SLC12A5: variants seen among roughly 807,000 people sequenced by gnomAD.
SLC12A5 encodes K-Cl cotransporter 2.
In SLC12A5, 18 loss-of-function variants were observed where a neutral mutation model predicts 124.0. The observed-to-expected ratio is 0.15, with a 90% CI of 0.10 to 0.22. SLC12A5 has a LOEUF of 0.22. Among genes scored for constraint, SLC12A5 ranks in the 10% least tolerant of loss-of-function variants. SLC12A5 has a pLI of 1.00. For synonymous variants in SLC12A5, 589 were observed against 568.0 expected (o/e 1.04, Z -0.53); for missense variants, 867 against 1,478.7 (o/e 0.59, Z 6.78).
chr20:46,044,039 T>C, intron 11 of SLC12A5, 106 bp downstream of exon 11: 1 of 1,117,644 alleles, frequency 8.9e-7, no homozygotes, highest in Admixed American at 2.6e-5. Context: ...GTGAGGGGCC[T>C]GTGGGAGGGA....
intron 5 of SLC12A5, 107 bp downstream of exon 5, chr20:46,036,902 TA>T: frequency 2.2e-6 from 3 of 1,387,004 alleles, no homozygotes; most frequent in Non-Finnish European, 3.0e-6. Flanking sequence ...TATTCTAGAC[TA>T]GGGGGCTGGG....
chr20:46,056,676 C>A lies in SLC12A5; in HGVS notation c.3110+112C>A. ...CTGGTCTGTCAGCCTGCAGACCCAG[C>A]TCAGACATTGTCTTGGTTTCTCCAT... On this transcript the variant is annotated intron_variant, in intron 23 of 25. Transcript: ENST00000243964. The surrounding 1 kb of genome is among the most constrained non-coding windows in gnomAD (Gnocchi z 4.3). The A allele has an allele frequency of 4.0e-6, 5 of 1,241,538 alleles. No individual in the cohort carries two copies. The South Asian group carries it at 7.2e-5, about 18-fold the overall frequency. 76.9% of individuals were successfully genotyped at this position (1,241,538 alleles called of 1,614,324 possible).
At chr20:46,040,902 G>T (rs1159084336) in intron 7 of SLC12A5, 2 of 473,986 alleles carry the variant, frequency 4.2e-6, no homozygotes, top group Admixed American at 7.4e-5. Flanking sequence ...AATGAATGCT[G>T]TCTGTGGTAG....
chr20:46,040,550 A>G lies in SLC12A5; in HGVS notation c.790A>G (p.Ile264Val). ...KFALVFLGCV[I>V]LSILAIYAGV... ...TGCCCTTGTCTTCCTGGGTTGTGTC[A>G]TCCTCTCCATCCTGGCCATCTATGC... Residue 264 changes from isoleucine to valine, a missense_variant, in exon 7 of 26, where the codon ATC becomes GTC. Coordinates refer to ENST00000243964, the MANE Select transcript of SLC12A5 (RefSeq NM_020708.5). The G allele has an allele frequency of 8.1e-6, 13 of 1,614,082 alleles. No homozygotes were observed. The highest frequency in any genetic ancestry group is 1.1e-5 in the Non-Finnish European group (13 of 1,180,032).
chr20:46,030,564 C>T (rs1279042371), intron 1 of SLC12A5, among the ~76,000 whole-genome samples: 3 of 151,810 alleles, frequency 2.0e-5, no homozygotes, highest in Non-Finnish European at 4.4e-5. Context: ...CGCACTAGCG[C>T]GCCTCCCGCG....
rs1390828059 is a variant in SLC12A5, at chr20:46,058,884, C to T, written c.*1279C>T. 3.5e-5 allele frequency: 14 copies of T among 397,314 alleles called. No homozygotes were observed. Among genetic ancestry groups the T allele is most frequent in the Non-Finnish European group, 5.3e-5 (12 of 225,894 alleles). 24.6% of individuals were successfully genotyped at this position (397,314 alleles called of 1,614,324 possible). On this transcript the variant is annotated 3_prime_UTR_variant, in exon 26 of 26. Transcript: ENST00000243964. The surrounding 1 kb of genome is among the most constrained non-coding windows in gnomAD (Gnocchi z 5.8). The stretch of plus-strand genomic sequence containing the variant: ...CCTTCTCCGTGCTCTGGGGCCGGGC[C>T]TCGCTGCTTAGCAGCGGCCTCTAGC...
chr20:46,046,055 T>TGCA, intron 13 of SLC12A5, 59 bp downstream of exon 13: 1 of 1,515,956 alleles, frequency 6.6e-7, no homozygotes, highest in South Asian at 1.1e-5. Context: ...ATCTGAATCC[T>TGCA]GCAGCCGTTA....
At position 46,053,813 on chromosome 20, in the gene SLC12A5, A is replaced by C; in HGVS notation, c.2679+104A>C. The C allele has an allele frequency of 7.8e-7, 1 of 1,281,606 alleles. No individual in the cohort carries two copies. Among genetic ancestry groups the C allele is most frequent in the Non-Finnish European group, 1.1e-6 (1 of 949,748 alleles). The allele number at this position is 1,281,606 out of a possible 1,614,324, so 79.4% of individuals were successfully genotyped here. On this transcript the variant is annotated intron_variant, in intron 20 of 25. Transcript: ENST00000243964. This position sits in a 1 kb window ranked among gnomAD's most constrained non-coding sequence, Gnocchi z 4.7. ...AACACCCATCAGCTTATGATGCTGG[A>C]TCCTTTCCCCCTCATCCATCTCTTA...
At position 46,045,019 on chromosome 20, in the gene SLC12A5, C is replaced by T; in HGVS notation, c.1448C>T (p.Ser483Phe). 3 of 1,614,204 alleles carry T rather than the reference C, an allele frequency of 1.9e-6. No homozygotes were observed. Among genetic ancestry groups the T allele is most frequent in the Non-Finnish European group, 2.5e-6 (3 of 1,180,040 alleles). The change falls in exon 12 of 26, where the codon TCT (serine) becomes TTT (phenylalanine). Residue 483 changes from serine (S) to phenylalanine (F), a missense_variant. Transcript: ENST00000243964. This position sits in a 1 kb window ranked among gnomAD's most constrained non-coding sequence, Gnocchi z 4.9. ...NLVVGTLAWP[S>F]PWVIVIGSFF... ...GTGGTGGGCACTCTGGCCTGGCCAT[C>T]TCCATGGGTAATTGTCATCGGATCC...
intron 6 of SLC12A5, among the ~76,000 whole-genome samples, chr20:46,039,063 G>T (rs1045770748): frequency 6.6e-6 from 1 of 152,196 alleles, no homozygotes; most frequent in Non-Finnish European, 1.5e-5. Flanking sequence ...GTCACCCAAA[G>T]AAAATAACCA....
upstream of SLC12A5, among the ~76,000 whole-genome samples, chr20:46,026,537 G>T (rs2084400484): frequency 6.6e-6 from 1 of 152,266 alleles, no homozygotes; most frequent in Non-Finnish European, 1.5e-5. Flanking sequence ...GAGGTGAGGG[G>T]TGTCAGTGGA....
Position 46,059,796 on chromosome 20 carries a change from T to C in SLC12A5, c.*2191T>C, listed in dbSNP as rs768889712. 4.5e-5 allele frequency: 18 copies of C among 396,004 alleles called. No individual in the cohort carries two copies. The highest frequency in any genetic ancestry group is 7.1e-5 in the Non-Finnish European group (16 of 224,780). 24.5% of individuals were successfully genotyped at this position (396,004 alleles called of 1,614,324 possible). On this transcript the variant is annotated 3_prime_UTR_variant, in exon 26 of 26. Transcript: ENST00000243964. ...TTTTATTCTGAGTGCAATATTTCAA[T>C]AGCCTTGTAGTGATAACTAGTGTTG...
At position 46,035,010 on chromosome 20, in the gene SLC12A5, G is replaced by A; in HGVS notation, c.115G>A (p.Glu39Lys). Reference protein sequence around the residue: ...INSTDTEKGKEYDGKNMALFE... With the variant: ...INSTDTEKGKKYDGKNMALFE... ...CAGCACCGACACAGAGAAGGGAAAG[G>A]AGTATGATGGCAAGAACATGGCCTT... Residue 39 changes from glutamate to lysine, a missense_variant, in exon 2 of 26, where the codon GAG (glutamate) becomes AAG (lysine). Coordinates refer to ENST00000243964, the MANE Select transcript of SLC12A5 (RefSeq NM_020708.5). The A allele has an allele frequency of 6.2e-7, 1 of 1,613,978 alleles. No individual in the cohort carries two copies. Among genetic ancestry groups the A allele is most frequent in the Non-Finnish European group, 8.5e-7 (1 of 1,179,958 alleles).
rs116878061 is a variant in SLC12A5, at chr20:46,057,452, G to A, written c.3260-62G>A. 5.6e-6 allele frequency: 9 copies of A among 1,605,788 alleles called. No individual in the cohort carries two copies. Among genetic ancestry groups the A allele is most frequent in the Non-Finnish European group, 6.8e-6 (8 of 1,172,554 alleles). On this transcript the variant is annotated intron_variant, in intron 25 of 25. Transcript: ENST00000243964. This position sits in a 1 kb window ranked among gnomAD's most constrained non-coding sequence, Gnocchi z 7.1. ...GCGCGAGAGGTCCCCTGGCAGCCGA[G>A]CGCGACCCCAATTTCGTCGGGAGGG...
intron 6 of SLC12A5, 24 bp downstream of exon 6, chr20:46,037,409 G>A (rs1483236959): frequency 6.3e-7 from 1 of 1,594,356 alleles, no homozygotes; most frequent in Non-Finnish European, 8.6e-7. Flanking sequence ...AGGAGGAGGT[G>A]TGGAACCCCA....
chr20:46,042,860 A>G (rs919427966), intron 8 of SLC12A5, among the ~76,000 whole-genome samples: 1 of 151,976 alleles, frequency 6.6e-6, no homozygotes, highest in African/African-American at 2.4e-5. Context: ...GGTGAGATCA[A>G]TTTGGGACAC....
intron 6 of SLC12A5, 39 bp downstream of exon 6, chr20:46,037,424 G>A (rs765475013): frequency 3.8e-6 from 6 of 1,579,670 alleles, no homozygotes; most frequent in South Asian, 1.2e-5. Flanking sequence ...ACCCCAGGTT[G>A]TCAGTCAGTT....
At position 46,056,255 on chromosome 20, in the gene SLC12A5, G is replaced by C. The variant is rs776262547; in HGVS notation, c.2893G>C (p.Glu965Gln). 1.4e-5 allele frequency: 22 copies of C among 1,614,076 alleles called. No homozygotes were observed. The highest frequency in any genetic ancestry group is 5.0e-5 in the Admixed American group (3 of 59,998). Residue 965 changes from glutamate to glutamine, a missense_variant, in exon 22 of 26, where the codon GAG becomes CAG. This residue lies in a region of SLC12A5 where 180 missense variants were observed against 243.6 expected (regional missense o/e 0.74). Coordinates refer to ENST00000243964, the MANE Select transcript of SLC12A5 (RefSeq NM_020708.5). This position sits in a 1 kb window ranked among gnomAD's most constrained non-coding sequence, Gnocchi z 4.3. ...AGAAGAGACGGCTGGTGACAGTGAA[G>C]AGAAGCCAGAGGAGGAGGTGTGCAG... ...VPEETAGDSE[E>Q]KPEEEVQLIH...
At position 46,030,994 on chromosome 20, in the gene SLC12A5, C is replaced by A. The variant is rs1350837042; in HGVS notation, c.52+1598C>A. 2.0e-5 allele frequency among the ~76,000 whole-genome samples: 3 copies of A among 152,148 alleles called. No homozygotes were observed. In the East Asian group the frequency reaches 5.8e-4, roughly 29 times the overall value. The stretch of plus-strand genomic sequence containing the variant: ...AGGGGGTTTGGCAAAGTTGAGTCTG[C>A]GGCAGCGCCAGGCATCCCGACGCGG... On this transcript the variant is annotated intron_variant, in intron 1 of 25. Coordinates refer to ENST00000243964, the MANE Select transcript of SLC12A5 (RefSeq NM_020708.5).
Sources: allele counts gnomAD v4.1 joint callset (sites outside exome capture counted in the v4.1 genomes callset), GRCh38; gene constraint gnomAD v4.1.1; regional missense constraint gnomAD v4.1.1; non-coding constraint Gnocchi (gnomAD v3.1); transcripts MANE v1.5; gene names NCBI Gene and HGNC (gene_info 2026-07-23, HGNC 2026-07-21).